Variants in ADGRL2 observed in about 807,000 individuals in gnomAD.
ADGRL2 encodes the protein adhesion G protein-coupled receptor L2, also known as calcium-independent alpha-latrotoxin receptor 2.
Under a neutral mutation model 157.4 loss-of-function variants are expected in ADGRL2, and 44 were observed. The observed-to-expected ratio is 0.28, with a 90% CI of 0.22 to 0.36. ADGRL2 has a LOEUF of 0.36. Among genes scored for constraint, ADGRL2 ranks in the 10% least tolerant of loss-of-function variants. ADGRL2 has a pLI of 1.00. For synonymous variants in ADGRL2, 585 were observed against 624.7 expected (o/e 0.94, Z 0.95); for missense variants, 1,510 against 1,768.9 (o/e 0.85, Z 2.63).
intron 2 of ADGRL2, among the ~76,000 whole-genome samples, chr1:81,897,193 C>G (rs1229599250): frequency 6.6e-6 from 1 of 152,032 alleles, no homozygotes; most frequent in Non-Finnish European, 1.5e-5. Context: ...TAATTGTTGC[C>G]TAACAGAAAA....
At chr1:81,442,626 G>A (rs2077528619) in intron 1 of ADGRL2, among the ~76,000 whole-genome samples, 1 of 151,910 alleles carries the variant, frequency 6.6e-6, no homozygotes, top group South Asian at 2.1e-4. Context: ...TTACAGTTAT[G>A]TTGGACCCTC....
intron 3 of ADGRL2, among the ~76,000 whole-genome samples, chr1:81,679,774 A>T (rs1439389906): frequency 6.6e-6 from 1 of 152,232 alleles, no homozygotes; most frequent in East Asian, 1.9e-4. Flanking sequence ...GAAGTACCTC[A>T]TGCTAAAGAT....
At chr1:81,591,054 T>C (rs766103509) in intron 3 of ADGRL2, among the ~76,000 whole-genome samples, 12 of 152,308 alleles carry the variant, frequency 7.9e-5, no homozygotes, top group Non-Finnish European at 1.3e-4. Flanking sequence ...ATTCCCTAGC[T>C]GGGTCATGCT....
At chr1:81,326,791 C>T (rs111526788) in intron 1 of ADGRL2, among the ~76,000 whole-genome samples, 1 of 152,146 alleles carries the variant, frequency 6.6e-6, no homozygotes. Context: ...TCTAAGAATT[C>T]TATTTAGACT....
chr1:81,939,869 T>TAAA (rs1557955188), intron 4 of ADGRL2, among the ~76,000 whole-genome samples: 1 of 151,448 alleles, frequency 6.6e-6, no homozygotes, highest in Non-Finnish European at 1.5e-5. Context: ...TTTTTTGTTG[T>TAAA]AAAGAGCAAT....
chr1:81,435,030 A>C (rs2077384960), intron 1 of ADGRL2, among the ~76,000 whole-genome samples: 1 of 152,236 alleles, frequency 6.6e-6, no homozygotes, highest in Admixed American at 6.5e-5. Context: ...AGTATTAATA[A>C]TAGGTAAACT....
intron 2 of ADGRL2, among the ~76,000 whole-genome samples, chr1:81,543,888 G>A (rs1456060291): frequency 6.6e-6 from 1 of 152,170 alleles, no homozygotes; most frequent in Non-Finnish European, 1.5e-5. Context: ...TCTGTTGAAA[G>A]TTTCTCAATA....
intron 2 of ADGRL2, among the ~76,000 whole-genome samples, chr1:81,493,934 C>A (rs1257713814): frequency 1.3e-5 from 2 of 152,064 alleles, no homozygotes; most frequent in East Asian, 1.9e-4. Context: ...GTCTGATTCT[C>A]AATGTGAAGA....
intron 1 of ADGRL2, among the ~76,000 whole-genome samples, chr1:81,723,537 C>T (rs977608323): frequency 6.6e-6 from 1 of 152,124 alleles, no homozygotes; most frequent in Non-Finnish European, 1.5e-5. Flanking sequence ...GATTATTGCT[C>T]TAATTTGAGT....
chr1:81,634,512 GTT>G (rs58027766), intron 3 of ADGRL2, among the ~76,000 whole-genome samples: 29,764 of 140,100 alleles, frequency 0.21, 3,191 homozygotes, highest in Middle Eastern at 0.26. Flanking sequence ...TAGCTATCTT[GTT>G]TTTTTTTTTT....
At chr1:81,567,884 G>T (rs1487448595) in intron 2 of ADGRL2, among the ~76,000 whole-genome samples, 6 of 152,066 alleles carry the variant, frequency 3.9e-5, no homozygotes, top group African/African-American at 1.4e-4. Context: ...ATTCCTGCAA[G>T]ACTTAAACTG....
intron 1 of ADGRL2, among the ~76,000 whole-genome samples, chr1:81,814,908 A>G (rs2090237700): frequency 6.6e-6 from 1 of 151,726 alleles, no homozygotes; most frequent in Non-Finnish European, 1.5e-5. Context: ...AATTTTATAC[A>G]TTTTCTTCAA....
intron 1 of ADGRL2, among the ~76,000 whole-genome samples, chr1:81,753,841 A>G (rs2085571003): frequency 6.6e-6 from 1 of 152,164 alleles, no homozygotes; most frequent in African/African-American, 2.4e-5. Context: ...ATTACTCCTA[A>G]TACCAGAAAG....
intron 3 of ADGRL2, among the ~76,000 whole-genome samples, chr1:81,603,854 A>G (rs1394132617): frequency 6.6e-6 from 1 of 152,228 alleles, no homozygotes; most frequent in Non-Finnish European, 1.5e-5. Context: ...AAATAAAGTT[A>G]GTAACTTACC....
In ADGRL2 at chr1:81,624,918, G is replaced by A. The variant is rs1031235694; in HGVS notation, c.-143+43938G>A. On this transcript the variant is annotated intron_variant, in intron 3 of 24. Coordinates refer to the ADGRL2 transcript ENST00000370721. Reference sequence around the variant, plus strand: ...TCTATTATTTTACATCCATCATTAAGCTTATACTTTGTCTAGACACTGGGA... The same window carrying A: ...TCTATTATTTTACATCCATCATTAAACTTATACTTTGTCTAGACACTGGGA... 7.9e-5 allele frequency among the ~76,000 whole-genome samples: 12 copies of A among 152,308 alleles called. No individual in the cohort carries two copies. The East Asian group carries it at 2.3e-3, about 29-fold the overall frequency.
intron 1 of ADGRL2, among the ~76,000 whole-genome samples, chr1:81,350,297 C>G (rs1662789064): frequency 6.6e-6 from 1 of 152,168 alleles, no homozygotes; most frequent in Non-Finnish European, 1.5e-5. Context: ...TGAGAATGTT[C>G]AGACAATAAT....
At chr1:81,325,085 A>G (rs749084442) in intron 1 of ADGRL2, among the ~76,000 whole-genome samples, 5 of 152,084 alleles carry the variant, frequency 3.3e-5, no homozygotes, top group Non-Finnish European at 2.9e-5. Context: ...CAGATAGACT[A>G]TTTTTATATT....
intron 1 of ADGRL2, among the ~76,000 whole-genome samples, chr1:81,420,534 G>A (rs371525920): frequency 6.6e-6 from 1 of 152,150 alleles, no homozygotes; most frequent in East Asian, 1.9e-4. Flanking sequence ...TTTTTCATAC[G>A]TTTTCTGAGT....
intron 1 of ADGRL2, among the ~76,000 whole-genome samples, chr1:81,343,087 CT>C (rs764039251): frequency 7.8e-6 from 1 of 127,490 alleles, no homozygotes; most frequent in African/African-American, 2.9e-5. Flanking sequence ...TTTCTTTTTT[CT>C]TTTCTTTTTT....
Sources: allele counts gnomAD v4.1 joint callset (sites outside exome capture counted in the v4.1 genomes callset), GRCh38; gene constraint gnomAD v4.1.1; transcripts MANE v1.5; gene names NCBI Gene and HGNC (gene_info 2026-07-23, HGNC 2026-07-21).